TBPL1: variants seen among roughly 807,000 people sequenced by gnomAD.
TBPL1 encodes the protein TATA box-binding protein-like 1.
A neutral mutation model predicts 22.1 loss-of-function variants in TBPL1; 4 were observed. The observed-to-expected ratio is 0.18, with a 90% CI of 0.09 to 0.41. The LOEUF is 0.41. Among genes scored for constraint, TBPL1 ranks in the 10% least tolerant of loss-of-function variants. The pLI is 1.00. For synonymous variants in TBPL1, 64 were observed against 71.0 expected (o/e 0.90, Z 0.50); for missense variants, 115 against 222.3 (o/e 0.52, Z 3.07).
chr6:133,974,801 G>A (rs1452343061), intron 1 of TBPL1, among the ~76,000 whole-genome samples: 2 of 152,136 alleles, frequency 1.3e-5, no homozygotes, highest in Non-Finnish European at 2.9e-5. Flanking sequence ...GCCAATATAA[G>A]TAAGTGTCAT....
intron 1 of TBPL1, among the ~76,000 whole-genome samples, chr6:133,955,432 T>TA (rs1775910527): frequency 6.6e-6 from 1 of 152,098 alleles, no homozygotes; most frequent in Non-Finnish European, 1.5e-5. Context: ...TTCCGTTTCT[T>TA]ACAGCATTTT....
intron 1 of TBPL1, among the ~76,000 whole-genome samples, chr6:133,976,229 G>T (rs946831167): frequency 6.6e-6 from 1 of 151,984 alleles, no homozygotes; most frequent in Non-Finnish European, 1.5e-5. Flanking sequence ...AGAATTAAAC[G>T]AAATAATTTG....
chr6:133,979,653 GGTTT>G (rs1397462945), intron 1 of TBPL1, among the ~76,000 whole-genome samples: 2 of 152,076 alleles, frequency 1.3e-5, no homozygotes, highest in Non-Finnish European at 2.9e-5. Context: ...GACATGATTT[GGTTT>G]GTTTGTTTTG....
intron 2 of TBPL1, among the ~76,000 whole-genome samples, chr6:133,980,616 T>C (rs1776392259): frequency 6.6e-6 from 1 of 151,570 alleles, no homozygotes; most frequent in South Asian, 2.1e-4. Context: ...TATTATAATT[T>C]TTATAATATT....
intron 1 of TBPL1, 119 bp from the exon 2 acceptor site, chr6:133,979,963 T>C (rs1323057194): frequency 6.2e-6 from 5 of 811,296 alleles, no homozygotes; most frequent in Non-Finnish European, 8.6e-6. Flanking sequence ...ATGATTTGAT[T>C]CTAGTAACAT....
intron 1 of TBPL1, among the ~76,000 whole-genome samples, chr6:133,965,376 A>G (rs1044757181): frequency 6.6e-6 from 1 of 152,186 alleles, no homozygotes; most frequent in African/African-American, 2.4e-5. Context: ...TTGTATCACA[A>G]TTTAATATCC....
chr6:133,987,644 G>GTATA lies in TBPL1; in HGVS notation c.*605_*606insATAT, dbSNP rs1312448310. The GTATA allele has an allele frequency of 6.0e-4, 77 of 128,736 alleles. 1 individual carries two copies. Among genetic ancestry groups the GTATA allele is most frequent in the African/African-American group, 2.4e-3 (74 of 31,272 alleles). 8.0% of individuals were successfully genotyped at this position (128,736 alleles called of 1,614,324 possible). On this transcript the variant is annotated 3_prime_UTR_variant, in exon 7 of 7. Transcript: ENST00000237264. ...GTATTTTGTGTGTGTGTGTGTGTGT[G>GTATA]TGTGTATATATATATATATATATGC...
intron 1 of TBPL1, among the ~76,000 whole-genome samples, chr6:133,972,564 G>A (rs9493778): frequency 0.056 from 8,504 of 152,172 alleles, 814 homozygotes; most frequent in African/African-American, 0.19. Flanking sequence ...GTTGTGCTGC[G>A]TAGTCATTAT....
intron 1 of TBPL1, among the ~76,000 whole-genome samples, chr6:133,956,406 T>A (rs1317847464): frequency 6.6e-6 from 1 of 152,190 alleles, no homozygotes; most frequent in Non-Finnish European, 1.5e-5. Flanking sequence ...CACTTGTAGG[T>A]AGCAGAGAAA....
At chr6:133,957,169 T>TA (rs932436931) in intron 1 of TBPL1, among the ~76,000 whole-genome samples, 10 of 151,712 alleles carry the variant, frequency 6.6e-5, no homozygotes, top group Non-Finnish European at 1.2e-4. Flanking sequence ...TAAATGTTTT[T>TA]AAAAAAAAAC....
rs368420811 is a variant in TBPL1 at position 133,963,913 on chromosome 6, C to T, written c.-45+10488C>T. Among the ~76,000 whole-genome samples, 1,264 of 149,806 alleles carry T rather than the reference C, an allele frequency of 8.4e-3. 37 individuals are homozygous for T. The highest frequency in any genetic ancestry group is 0.062 in the Admixed American group (931 of 15,070). On this transcript the variant is annotated intron_variant, in intron 1 of 6. Coordinates refer to ENST00000237264, the MANE Select transcript of TBPL1 (RefSeq NM_004865.4). The stretch of plus-strand genomic sequence containing the variant: ...AAAATTAGCCAGGCGTGGTGGCGGG[C>T]GCCTGTAGTCGCAGCTACTCGGGAG...
chr6:133,956,269 T>C (rs1195737725), intron 1 of TBPL1, among the ~76,000 whole-genome samples: 2 of 152,240 alleles, frequency 1.3e-5, no homozygotes, highest in African/African-American at 4.8e-5. Context: ...AGCTGTATTG[T>C]GACATTCGAA....
At chr6:133,972,180 C>G (rs1776234719) in intron 1 of TBPL1, among the ~76,000 whole-genome samples, 1 of 152,054 alleles carries the variant, frequency 6.6e-6, no homozygotes, top group Non-Finnish European at 1.5e-5. Flanking sequence ...AAGACATTCC[C>G]CCAAGTATTT....
intron 1 of TBPL1, among the ~76,000 whole-genome samples, chr6:133,966,979 A>G (rs1188711251): frequency 1.3e-5 from 2 of 152,154 alleles, no homozygotes; most frequent in African/African-American, 4.8e-5. Flanking sequence ...GCTAACCACT[A>G]CTTTTGAGAT....
intron 1 of TBPL1, among the ~76,000 whole-genome samples, chr6:133,978,752 T>C (rs1020858739): frequency 6.6e-6 from 1 of 152,210 alleles, no homozygotes; most frequent in Non-Finnish European, 1.5e-5. Context: ...GGTTTGCCAC[T>C]GTGTTCTATC....
chr6:133,980,344 G>C lies in TBPL1; in HGVS notation c.135+84G>C, dbSNP rs1582582007. ...AATACTAAAATGTATTCATTCTACA[G>C]ATAGTTTATGAGCACCTTACCATGT... On this transcript the variant is annotated intron_variant, in intron 2 of 6. Transcript: ENST00000237264. 6.4e-6 allele frequency: 9 copies of C among 1,415,926 alleles called. No homozygotes were observed. The East Asian group carries it at 2.3e-4, about 36-fold the overall frequency. The allele number at this position is 1,415,926 out of a possible 1,614,324, so 87.7% of individuals were successfully genotyped here. A position where few individuals can be genotyped will look rare whatever the true frequency, so the allele number is the denominator to read the frequency against.
At chr6:133,979,401 G>A (rs1236356604) in intron 1 of TBPL1, among the ~76,000 whole-genome samples, 1 of 152,070 alleles carries the variant, frequency 6.6e-6, no homozygotes, top group Non-Finnish European at 1.5e-5. Flanking sequence ...TGCCACTAAT[G>A]GTTAGACATT....
intron 1 of TBPL1, among the ~76,000 whole-genome samples, chr6:133,961,675 G>A (rs1776027320): frequency 6.6e-6 from 1 of 151,738 alleles, no homozygotes; most frequent in African/African-American, 2.4e-5. Context: ...CATGTTAATC[G>A]GGCTGGTCTT....
intron 1 of TBPL1, among the ~76,000 whole-genome samples, chr6:133,970,117 G>T (rs183436091): frequency 1.9e-3 from 286 of 152,252 alleles, no homozygotes; most frequent in Non-Finnish European, 3.3e-3. Flanking sequence ...TAAGTATCTG[G>T]TTTTTTGTGT....
Sources: allele counts gnomAD v4.1 joint callset (sites outside exome capture counted in the v4.1 genomes callset), GRCh38; gene constraint gnomAD v4.1.1; transcripts MANE v1.5; gene names NCBI Gene and HGNC (gene_info 2026-07-23, HGNC 2026-07-21).